The following TMTC2 variants were observed in gnomAD, a reference collection of about 807,000 sequenced individuals.
The protein encoded by TMTC2 is transmembrane O-mannosyltransferase targeting cadherins 2, also known as protein O-mannosyl-transferase TMTC2.
TMTC2 carries 43 observed loss-of-function variants against 82.4 expected under a neutral mutation model. The observed-to-expected ratio is 0.52, with a 90% CI of 0.41 to 0.67. TMTC2 has a LOEUF of 0.67. Ranked by LOEUF, TMTC2 falls within the 30% of genes least tolerant of loss-of-function variation. The pLI is 0.00. For synonymous variants in TMTC2, 408 were observed against 381.9 expected, an observed-to-expected ratio of 1.07 and a Z score of -0.80; for missense variants, 919 against 1,012.4, an observed-to-expected ratio of 0.91 and a Z score of 1.25.
At chr12:82,703,173 G>T (rs12810658) in intron 1 of TMTC2, among the ~76,000 whole-genome samples, 1 of 152,188 alleles carries the variant, frequency 6.6e-6, no homozygotes, top group Admixed American at 6.5e-5. Flanking sequence ...CTGCACTCCA[G>T]TCTGGGCCAA....
At chr12:82,713,245 G>A (rs1011778242) in intron 1 of TMTC2, among the ~76,000 whole-genome samples, 2 of 152,058 alleles carry the variant, frequency 1.3e-5, no homozygotes, top group African/African-American at 4.8e-5. Flanking sequence ...TGCCTGGGAG[G>A]TGGAGGTTGC....
At chr12:82,808,655 G>A (rs1280336344) in intron 1 of TMTC2, among the ~76,000 whole-genome samples, 9 of 152,048 alleles carry the variant, frequency 5.9e-5, no homozygotes, top group Non-Finnish European at 1.3e-4. Context: ...AGCAAAATTT[G>A]TACTTGCGTC....
At position 82,804,854 on chromosome 12, in the gene TMTC2, C is replaced by G. The variant is rs115424699; in HGVS notation, c.84-52156C>G. ...ACCTAACTAAGAGTGTACATGGGCC[C>G]TACGTAAACACAGTGGATTGCTCCT... is the stretch of plus-strand genomic sequence containing the variant. On this transcript the variant is annotated intron_variant, in intron 1 of 11. Coordinates refer to ENST00000321196, the MANE Select transcript of TMTC2 (RefSeq NM_152588.3). Among the ~76,000 whole-genome samples, 273 of 152,202 alleles carry G rather than the reference C, an allele frequency of 1.8e-3. 1 individual carries two copies. Among genetic ancestry groups the G allele is most frequent in the African/African-American group, 6.1e-3 (255 of 41,532 alleles).
At chr12:82,713,825 A>G (rs1315756771) in intron 1 of TMTC2, among the ~76,000 whole-genome samples, 1 of 152,182 alleles carries the variant, frequency 6.6e-6, no homozygotes, top group East Asian at 1.9e-4. Flanking sequence ...GGATGGATAT[A>G]CAGTTTGTTT....
chr12:83,007,081 A>G (rs1413130305), intron 8 of TMTC2, among the ~76,000 whole-genome samples: 1 of 152,070 alleles, frequency 6.6e-6, no homozygotes. Context: ...GTACCCTAGA[A>G]CTTAAAGTAT....
chr12:82,712,410 G>A lies in TMTC2; in HGVS notation c.83+24741G>A, dbSNP rs989713169. Among the ~76,000 whole-genome samples the A allele has an allele frequency of 3.3e-5, 4 of 120,358 alleles. No homozygotes were observed. In the South Asian group the frequency reaches 1.1e-3, roughly 34 times the overall value. The allele number at this position is 120,358 out of a possible 152,430, so 79.0% of individuals were successfully genotyped here. On this transcript the variant is annotated intron_variant, in intron 1 of 11. Coordinates refer to ENST00000321196, the MANE Select transcript of TMTC2 (RefSeq NM_152588.3). Reference sequence around the variant, plus strand: ...GCACCACTGCACTCCAGCCTGGGCAGAAGAGTGAAACTCCGTCTCAAAAAA... The same window carrying A: ...GCACCACTGCACTCCAGCCTGGGCAAAAGAGTGAAACTCCGTCTCAAAAAA...
At chr12:82,692,016 G>A (rs929629456) in intron 1 of TMTC2, among the ~76,000 whole-genome samples, 1 of 152,100 alleles carries the variant, frequency 6.6e-6, no homozygotes, top group African/African-American at 2.4e-5. Flanking sequence ...TTTGGAAAAA[G>A]TTCATTTTGC....
chr12:82,776,113 T>A (rs11115416), intron 1 of TMTC2, among the ~76,000 whole-genome samples: 20,356 of 152,192 alleles, frequency 0.13, 1,532 homozygotes, highest in Middle Eastern at 0.2. Flanking sequence ...GTTTCCAGTG[T>A]TACCTACATA....
At chr12:83,045,221 T>A (rs1033059732) in intron 9 of TMTC2, among the ~76,000 whole-genome samples, 1 of 152,218 alleles carries the variant, frequency 6.6e-6, no homozygotes, top group African/African-American at 2.4e-5. Context: ...TTCCTTATTT[T>A]ATATCATCTG....
intron 7 of TMTC2, among the ~76,000 whole-genome samples, chr12:82,970,900 A>T (rs1878421246): frequency 6.6e-6 from 1 of 152,200 alleles, no homozygotes; most frequent in South Asian, 2.1e-4. Flanking sequence ...TGGTTTCATT[A>T]ATAGAGTGCT....
At chr12:82,983,407 G>GA (rs1262534575) in intron 7 of TMTC2, among the ~76,000 whole-genome samples, 1 of 151,182 alleles carries the variant, frequency 6.6e-6, no homozygotes, top group Non-Finnish European at 1.5e-5. Flanking sequence ...AGTTCTTACT[G>GA]AAAAAAATGG....
chr12:82,925,536 T>A lies in TMTC2; in HGVS notation c.1484-4895T>A, dbSNP rs373712588. Reference sequence around the variant, plus strand: ...GCATATGTTTTTTTAACAAATTGAATGTGGCAACTGCATAAACCAAGCTGG... The same window carrying A: ...GCATATGTTTTTTTAACAAATTGAAAGTGGCAACTGCATAAACCAAGCTGG... On this transcript the variant is annotated intron_variant, in intron 3 of 11. Coordinates refer to ENST00000321196, the MANE Select transcript of TMTC2 (RefSeq NM_152588.3). Among the ~76,000 whole-genome samples, 4 of 152,344 alleles carry A rather than the reference T, an allele frequency of 2.6e-5. No individual in the cohort carries two copies. In the East Asian group the frequency reaches 7.7e-4, roughly 29 times the overall value.
At chr12:83,114,862 T>A (rs74604777) in intron 11 of TMTC2, among the ~76,000 whole-genome samples, 5,493 of 151,704 alleles carry the variant, frequency 0.036, 166 homozygotes, top group Non-Finnish European at 0.054. Context: ...ATCTGATATA[T>A]GTGTGTATAT....
chr12:82,777,494 G>C (rs1403263965), intron 1 of TMTC2, among the ~76,000 whole-genome samples: 2 of 151,830 alleles, frequency 1.3e-5, no homozygotes, highest in African/African-American at 4.8e-5. Flanking sequence ...TCTTTTTCAG[G>C]GTATTTTTTG....
intron 8 of TMTC2, among the ~76,000 whole-genome samples, chr12:82,992,761 A>G (rs927105090): frequency 6.6e-5 from 10 of 152,278 alleles, no homozygotes; most frequent in Admixed American, 4.6e-4. Flanking sequence ...ACTTGCTGTC[A>G]CTAAGTGACA....
chr12:82,867,818 C>A (rs1412344096), intron 2 of TMTC2, among the ~76,000 whole-genome samples: 1 of 152,120 alleles, frequency 6.6e-6, no homozygotes, highest in Non-Finnish European at 1.5e-5. Context: ...TTCTTAAGCT[C>A]TCATGACATA....
intron 11 of TMTC2, among the ~76,000 whole-genome samples, chr12:83,130,124 CT>C (rs1210820136): frequency 6.6e-6 from 1 of 152,200 alleles, no homozygotes; most frequent in Non-Finnish European, 1.5e-5. Flanking sequence ...CCTATTTCCA[CT>C]CTTCCCACTC....
At chr12:82,936,704 A>G (rs1231931033) in intron 4 of TMTC2, among the ~76,000 whole-genome samples, 1 of 148,186 alleles carries the variant, frequency 6.7e-6, no homozygotes, top group African/African-American at 2.7e-5. Flanking sequence ...AAACTTATAA[A>G]TAAACTAGGA....
At chr12:83,042,570 TC>T (rs889858024) in intron 9 of TMTC2, among the ~76,000 whole-genome samples, 2 of 152,084 alleles carry the variant, frequency 1.3e-5, no homozygotes, top group African/African-American at 4.8e-5. Context: ...TCCTTGTCCC[TC>T]CCCCGATTCC....
Sources: gnomAD v4.1 joint callset for allele counts (sites outside exome capture counted in the v4.1 genomes callset) on GRCh38, gnomAD v4.1.1 for gene constraint, MANE v1.5 for transcripts, NCBI Gene and HGNC (gene_info 2026-07-23, HGNC 2026-07-21) for gene names.